Variants in GPM6B observed in about 807,000 individuals in gnomAD.
The protein encoded by GPM6B is glycoprotein M6B, also known as neuronal membrane glycoprotein M6-b.
GPM6B carries 4 observed loss-of-function variants against 27.2 expected under a neutral mutation model. The observed-to-expected ratio is 0.15, with a 90% CI of 0.07 to 0.34. GPM6B has a LOEUF of 0.34. Ranked by LOEUF, GPM6B falls within the 10% of genes least tolerant of loss-of-function variation. The pLI, the probability that GPM6B is intolerant of heterozygous loss-of-function variation, is 1.00. For missense variants in GPM6B, 183 were observed against 261.9 expected, an observed-to-expected ratio of 0.70 and a Z score of 2.08; for synonymous variants, 124 against 103.1, an observed-to-expected ratio of 1.20 and a Z score of -1.23.
At chrX:13,830,467 A>C (rs962655311) in intron 1 of GPM6B, among the ~76,000 whole-genome samples, 3 of 112,514 alleles carry the variant, frequency 2.7e-5, no homozygotes, top group Non-Finnish European at 5.6e-5. Context: ...TTTTCCTTTC[A>C]GTTCTTCCTT....
intron 7 of GPM6B, chrX:13,773,519 TTAAA>T (rs1356091342): frequency 9.0e-6 from 1 of 111,602 alleles, no homozygotes; most frequent in African/African-American, 3.3e-5. Flanking sequence ...ATGGAAAAAA[TTAAA>T]TGAATGTCAA....
chrX:13,801,418 G>A (rs2048919042), intron 2 of GPM6B, among the ~76,000 whole-genome samples: 1 of 112,242 alleles, frequency 8.9e-6, no homozygotes, highest in Non-Finnish European at 1.9e-5. Flanking sequence ...AAGTTTTTAG[G>A]TGTTGCCTAA....
chrX:13,793,818 A>G (rs1359865342), intron 2 of GPM6B, among the ~76,000 whole-genome samples: 2 of 111,125 alleles, frequency 1.8e-5, no homozygotes, highest in East Asian at 2.8e-4. Context: ...GGTAACTTCA[A>G]TGAGCACTCA....
rs1017117856 is a variant in GPM6B at position 13,900,531 on chromosome X, C to T, written c.-198+37796G>A. 1.1e-3 allele frequency among the ~76,000 whole-genome samples: 122 copies of T among 110,707 alleles called. 1 individual carries two copies. The highest frequency in any genetic ancestry group is 3.8e-3 in the African/African-American group (117 of 30,436). On this transcript the variant is annotated intron_variant, in intron 1 of 6. Coordinates refer to the GPM6B transcript ENST00000398361. ...TAGACATATGAGGTTGTGCCACGTG[C>T]GTGTTTTGTGTATTCTGACGTCATG... is the stretch of plus-strand genomic sequence containing the variant.
intron 1 of GPM6B, among the ~76,000 whole-genome samples, chrX:13,825,687 G>T (rs926643471): frequency 8.9e-6 from 1 of 112,871 alleles, no homozygotes; most frequent in African/African-American, 3.2e-5. Context: ...GGGAGGTGAA[G>T]AAGAGGAAGC....
chrX:13,816,953 G>C lies in GPM6B; in HGVS notation c.-49C>G. 8.6e-7 allele frequency: 1 copy of C among 1,162,346 alleles called. No individual in the cohort carries two copies. Among genetic ancestry groups the C allele is most frequent in the Non-Finnish European group, 1.1e-6 (1 of 874,640 alleles). ...CCCCTGTTCCCCCCAACACACACTT[G>C]TTTTTCCTCCTCTTCCTTTTCTTTT... is the stretch of plus-strand genomic sequence containing the variant. On this transcript the variant is annotated 5_prime_UTR_variant, in exon 1 of 8. Coordinates refer to ENST00000316715, the MANE Select transcript of GPM6B (RefSeq NM_001001995.3).
chrX:13,833,722 A>G (rs1392647137), intron 1 of GPM6B, among the ~76,000 whole-genome samples: 1 of 111,617 alleles, frequency 9.0e-6, no homozygotes, highest in African/African-American at 3.3e-5. Context: ...GAGAGACCCT[A>G]TTAAAAAACA....
At chrX:13,839,708 T>C (rs1008467243) in intron 1 of GPM6B, among the ~76,000 whole-genome samples, 5 of 111,906 alleles carry the variant, frequency 4.5e-5, no homozygotes, top group African/African-American at 1.6e-4. Flanking sequence ...TTCCAGGTCT[T>C]CTAGGAATTA....
Position 13,789,805 on chromosome X carries a change from C to CA in GPM6B, c.182-3998dup, listed in dbSNP as rs758790713. On this transcript the variant is annotated intron_variant, in intron 2 of 7. Coordinates refer to ENST00000316715, the MANE Select transcript of GPM6B (RefSeq NM_001001995.3). ...AAAAACAAAAACAAAAACAAAAAGACAAAAAAAACAAAATCATGGGAAGCC... is the reference window on the plus strand; with the variant it reads ...AAAAACAAAAACAAAAACAAAAAGACAAAAAAAAACAAAATCATGGGAAGCC... Among the ~76,000 whole-genome samples, 32 of 108,170 alleles carry CA rather than the reference C, an allele frequency of 3.0e-4. No homozygotes were observed. In the South Asian group the frequency reaches 4.8e-3, roughly 16 times the overall value. 93.9% of individuals were successfully genotyped at this position (108,170 alleles called of 115,157 possible).
intron 1 of GPM6B, among the ~76,000 whole-genome samples, chrX:13,915,169 G>A (rs1311804745): frequency 9.2e-6 from 1 of 108,807 alleles, no homozygotes; most frequent in Non-Finnish European, 1.9e-5. Context: ...TTGGGAGGCT[G>A]AAGTGGCAGG....
chrX:13,833,641 C>A (rs752840020), intron 1 of GPM6B, among the ~76,000 whole-genome samples: 1 of 110,009 alleles, frequency 9.1e-6, no homozygotes, highest in Non-Finnish European at 1.9e-5. Flanking sequence ...GGGTGAGGAT[C>A]TCTTGAACCC....
intron 1 of GPM6B, among the ~76,000 whole-genome samples, chrX:13,825,192 AT>A (rs2049358479): frequency 9.0e-6 from 1 of 111,251 alleles, no homozygotes; most frequent in Non-Finnish European, 1.9e-5. Context: ...ACTTCAACAT[AT>A]TTTTTGAGGG....
chrX:13,776,132 C>T (rs996279741), intron 7 of GPM6B, 106 bp downstream of exon 7: 5 of 628,768 alleles, frequency 8.0e-6, no homozygotes, highest in Non-Finnish European at 7.8e-6. Flanking sequence ...GGTTGAGTGC[C>T]AGAATCATTG....
chrX:13,779,800 T>C lies in GPM6B; in HGVS notation c.697+18A>G. ...GATAATGAAATAACTGGGGGAGGGG[T>C]GAATTAGAAGGAAGTACCGTATTGT... On this transcript the variant is annotated intron_variant, in intron 5 of 7. Transcript: ENST00000316715. 8.9e-7 allele frequency: 1 copy of C among 1,121,374 alleles called. No individual in the cohort carries two copies. The highest frequency in any genetic ancestry group is 1.8e-5 in the African/African-American group (1 of 55,315). 92.4% of individuals were successfully genotyped at this position (1,121,374 alleles called of 1,213,427 possible). A position where few individuals can be genotyped will look rare whatever the true frequency, so the allele number is the denominator to read the frequency against.
At chrX:13,800,182 G>C (rs921621167) in intron 2 of GPM6B, among the ~76,000 whole-genome samples, 2 of 111,438 alleles carry the variant, frequency 1.8e-5, no homozygotes, top group Admixed American at 9.6e-5. Context: ...GCCCACACAT[G>C]GAAAAAAATC....
chrX:13,880,012 T>C (rs372320324), intron 1 of GPM6B, among the ~76,000 whole-genome samples: 2 of 112,303 alleles, frequency 1.8e-5, no homozygotes, highest in South Asian at 7.4e-4. Context: ...GACCAGAGCA[T>C]GGCCATTTGA....
At chrX:13,821,584 C>A (rs2049307544), upstream of GPM6B, among the ~76,000 whole-genome samples, 1 of 112,185 alleles carries the variant, frequency 8.9e-6, no homozygotes, top group South Asian at 3.8e-4. Context: ...GGCCAGAAAT[C>A]AAATCACTTT....
At chrX:13,810,649 T>C (rs188829297) in intron 1 of GPM6B, among the ~76,000 whole-genome samples, 98 of 108,652 alleles carry the variant, frequency 9.0e-4, no homozygotes, top group African/African-American at 3.1e-3. Flanking sequence ...CATAGGCTGC[T>C]AGGCAATGAC....
chrX:13,827,477 G>A (rs1319257269), intron 1 of GPM6B, among the ~76,000 whole-genome samples: 1 of 109,310 alleles, frequency 9.1e-6, no homozygotes, highest in East Asian at 2.9e-4. Context: ...AACTCACCCC[G>A]CTGTCTCTCA....
Sources: allele counts gnomAD v4.1 joint callset (sites outside exome capture counted in the v4.1 genomes callset), GRCh38; gene constraint gnomAD v4.1.1; transcripts MANE v1.5; gene names NCBI Gene and HGNC (gene_info 2026-07-23, HGNC 2026-07-21).